The following RFXANK variants were observed in gnomAD, a reference collection of about 807,000 sequenced individuals.
RFXANK encodes regulatory factor X associated ankyrin containing protein.
Under a neutral mutation model 34.5 loss-of-function variants are expected in RFXANK, and 19 were observed. That is an observed-to-expected ratio of 0.55 (90% CI 0.38 to 0.81). The LOEUF (loss-of-function observed/expected upper bound fraction) is 0.81. Among genes scored for constraint, RFXANK ranks in the 30% least tolerant of loss-of-function variants. The pLI, the probability that RFXANK is intolerant of heterozygous loss-of-function variation, is 0.00. For synonymous variants in RFXANK, 154 were observed against 149.8 expected, an observed-to-expected ratio of 1.03 and a Z score of -0.20; for missense variants, 295 against 343.5, an observed-to-expected ratio of 0.86 and a Z score of 1.12.
chr19:19,192,278 C>G lies in RFXANK; in HGVS notation c.-426C>G. On this transcript the variant is annotated 5_prime_UTR_variant, in exon 1 of 10. Transcript: ENST00000303088. The stretch of plus-strand genomic sequence containing the variant: ...TCAGTCTTTGCGGACAAGAAAGGGG[C>G]TGTGTGAGACGCAGGGAAGGAGGCA... The G allele has an allele frequency of 1.1e-6, 1 of 925,414 alleles. No individual in the cohort carries two copies. The highest frequency in any genetic ancestry group is 1.6e-5 in the South Asian group (1 of 62,002). 57.3% of individuals were successfully genotyped at this position (925,414 alleles called of 1,614,324 possible).
At chr19:19,195,914 G>A (rs1395001086) in intron 3 of RFXANK, among the ~76,000 whole-genome samples, 2 of 151,210 alleles carry the variant, frequency 1.3e-5, no homozygotes, top group Non-Finnish European at 2.9e-5. Context: ...GGCTAATTTT[G>A]TGTTTTTAGT....
chr19:19,195,037 G>GT (rs140863748), intron 3 of RFXANK, among the ~76,000 whole-genome samples: 5,679 of 115,222 alleles, frequency 0.049, 414 homozygotes, highest in African/African-American at 0.17. Flanking sequence ...TCCCGCCTCC[G>GT]TTTTTTTTTT....
chr19:19,199,906 G>A (rs760319891), intron 9 of RFXANK, among the ~76,000 whole-genome samples: 1 of 152,194 alleles, frequency 6.6e-6, no homozygotes, highest in Non-Finnish European at 1.5e-5. Flanking sequence ...TAGAGATGGG[G>A]TGCTTAGGAA....
intron 6 of RFXANK, 41 bp from the exon 7 acceptor site, chr19:19,198,066 G>T: frequency 6.2e-7 from 1 of 1,609,468 alleles, no homozygotes; most frequent in Non-Finnish European, 8.5e-7. Flanking sequence ...TCCTGGTTAT[G>T]CCCCAATCCA....
chr19:19,197,645 G>T, intron 6 of RFXANK, 24 bp downstream of exon 6: 1 of 1,608,432 alleles, frequency 6.2e-7, no homozygotes, highest in Non-Finnish European at 8.5e-7. Context: ...CAGCTGGGCA[G>T]CTGGGGGGTT....
At position 19,197,675 on chromosome 19, in the gene RFXANK, G is replaced by T. The variant is rs578141586; in HGVS notation, c.438+54G>T. On this transcript the variant is annotated intron_variant, in intron 6 of 9. Coordinates refer to ENST00000303088, the MANE Select transcript of RFXANK (RefSeq NM_003721.4). ...GGGGTTCCCGGGGGCCTTAGGGTGGGCTGGGGTTTTGGCTGTGTCTGCTGG... is the reference window on the plus strand; with the variant it reads ...GGGGTTCCCGGGGGCCTTAGGGTGGTCTGGGGTTTTGGCTGTGTCTGCTGG... The T allele has an allele frequency of 6.5e-6, 10 of 1,540,688 alleles. No individual in the cohort carries two copies. The South Asian group carries it at 1.1e-4, about 17-fold the overall frequency.
chr19:19,198,313 G>C, intron 7 of RFXANK, 81 bp downstream of exon 7: 1 of 1,582,690 alleles, frequency 6.3e-7, no homozygotes, highest in Non-Finnish European at 8.6e-7. Context: ...TACTTGAAAG[G>C]TGCAGGCCTG....
Position 19,197,311 on chromosome 19 carries a change from G to A in RFXANK, c.337+60G>A. Reference sequence around the variant, plus strand: ...ACCTGGCTGGTGTGTGCATATGGGTGTCCATACCCACTCATGACGTGACCT... The same window carrying A: ...ACCTGGCTGGTGTGTGCATATGGGTATCCATACCCACTCATGACGTGACCT... On this transcript the variant is annotated intron_variant, in intron 5 of 9. Coordinates refer to ENST00000303088, the MANE Select transcript of RFXANK (RefSeq NM_003721.4). 4 of 1,537,512 alleles carry A rather than the reference G, an allele frequency of 2.6e-6. 1 individual carries two copies. The highest frequency in any genetic ancestry group is 1.8e-6 in the Non-Finnish European group (2 of 1,115,326).
At chr19:19,200,607 C>A (rs2060691892) in intron 9 of RFXANK, among the ~76,000 whole-genome samples, 1 of 151,680 alleles carries the variant, frequency 6.6e-6, no homozygotes, top group Non-Finnish European at 1.5e-5. Flanking sequence ...CCACTCTACC[C>A]AGCTAATTTT....
chr19:19,201,468 A>G, intron 9 of RFXANK, 181 bp from the exon 10 acceptor site: 13 of 1,565,602 alleles, frequency 8.3e-6, no homozygotes, highest in Non-Finnish European at 1.1e-5. Context: ...GTGCATTTTT[A>G]CAAACTTAGG....
At chr19:19,198,901 C>T (rs1249239864) in intron 8 of RFXANK, 178 bp downstream of exon 8, 16 of 778,436 alleles carry the variant, frequency 2.1e-5, no homozygotes, top group African/African-American at 8.5e-5. Context: ...ACACGGGAGT[C>T]GGGGTCTGGG....
chr19:19,198,996 T>G, intron 8 of RFXANK, 158 bp from the exon 9 acceptor site: 1 of 790,346 alleles, frequency 1.3e-6, no homozygotes, highest in South Asian at 1.4e-5. Flanking sequence ...GAGACCAAGA[T>G]AGCAGAGGTT....
chr19:19,197,290 G>C (rs770872590), intron 5 of RFXANK, 39 bp downstream of exon 5: 1 of 1,606,270 alleles, frequency 6.2e-7, no homozygotes, highest in Admixed American at 1.7e-5. Context: ...GTCTGCACCT[G>C]GCTGGTGTGT....
rs981819365 is a variant in RFXANK at position 19,198,575 on chromosome 19, A to C, written c.565-82A>C. On this transcript the variant is annotated intron_variant, in intron 7 of 9. Transcript: ENST00000303088. ...GTGATGAGCAGGAGGAACCACGTTC[A>C]ACTGGAGGCCAGAGAGTACAAGGCA... 1.1e-5 allele frequency: 16 copies of C among 1,518,704 alleles called. No homozygotes were observed. In the African/African-American group the frequency reaches 2.2e-4, roughly 21 times the overall value. The allele number at this position is 1,518,704 out of a possible 1,614,324, so 94.1% of individuals were successfully genotyped here.
In RFXANK at chr19:19,201,733, G is replaced by A; in HGVS notation, c.*14G>A. 6.2e-7 allele frequency: 1 copy of A among 1,613,806 alleles called. No homozygotes were observed. Among genetic ancestry groups the A allele is most frequent in the South Asian group, 1.1e-5 (1 of 91,088 alleles). On this transcript the variant is annotated 3_prime_UTR_variant, in exon 10 of 10. Coordinates refer to ENST00000303088, the MANE Select transcript of RFXANK (RefSeq NM_003721.4). ...GACCCTGAGTGAAGGCCGCCTGCCGGGGACTCAGACACTCAGGGAACAAAA... is the reference window on the plus strand; with the variant it reads ...GACCCTGAGTGAAGGCCGCCTGCCGAGGACTCAGACACTCAGGGAACAAAA...
intron 4 of RFXANK, 32 bp downstream of exon 4, chr19:19,197,078 G>C (rs369824410): frequency 6.2e-7 from 1 of 1,612,862 alleles, no homozygotes; most frequent in East Asian, 2.2e-5. Flanking sequence ...AACAAGGAGA[G>C]GAGTAGGAGG....
chr19:19,196,466 G>A (rs918871823), intron 3 of RFXANK, among the ~76,000 whole-genome samples: 13 of 152,044 alleles, frequency 8.6e-5, no homozygotes, highest in Admixed American at 4.6e-4. Context: ...GGAGGCTGAG[G>A]TGGGAGGTTG....
chr19:19,200,194 T>G (rs1227380331), intron 9 of RFXANK, among the ~76,000 whole-genome samples: 1 of 148,284 alleles, frequency 6.7e-6, no homozygotes, highest in East Asian at 2.0e-4. Context: ...TTTTTTTTTT[T>G]GGACATGGAG....
At chr19:19,194,214 C>A in intron 3 of RFXANK, 81 bp downstream of exon 3, 1 of 1,462,270 alleles carries the variant, frequency 6.8e-7, no homozygotes, top group Non-Finnish European at 9.6e-7. Context: ...CTGTGTCTTG[C>A]TTTCGTTTTT....
Sources: allele counts gnomAD v4.1 joint callset (sites outside exome capture counted in the v4.1 genomes callset), GRCh38; gene constraint gnomAD v4.1.1; transcripts MANE v1.5; gene names NCBI Gene and HGNC (gene_info 2026-07-23, HGNC 2026-07-21).